TENM2: variants seen among roughly 807,000 people sequenced by gnomAD.
TENM2 encodes teneurin-2.
A neutral mutation model predicts 245.2 loss-of-function variants in TENM2; 52 were observed. The observed-to-expected ratio is 0.21, with a 90% CI of 0.17 to 0.27. The LOEUF is 0.27. Among genes scored for constraint, TENM2 ranks in the 10% least tolerant of loss-of-function variants. The pLI, the probability that TENM2 is intolerant of heterozygous loss-of-function variation, is 1.00. For missense variants in TENM2, 3,046 were observed against 3,666.8 expected (o/e 0.83, Z 4.37); for synonymous variants, 1,363 against 1,438.9 (o/e 0.95, Z 1.19).
In TENM2 at chr5:167,685,719, A is replaced by G. The variant is rs1259276936; in HGVS notation, c.503-190267A>G. 2.6e-5 allele frequency among the ~76,000 whole-genome samples: 4 copies of G among 152,196 alleles called. No homozygotes were observed. The East Asian group carries it at 7.7e-4, about 29-fold the overall frequency. On this transcript the variant is annotated intron_variant, in intron 2 of 28. Transcript: ENST00000518659. ...AATTCATGATAAATAGGTTATCTGT[A>G]ATGATATATGATAGTCTGTGGTAGG...
chr5:167,053,361 A>T, the TENM2 span, among the ~76,000 whole-genome samples: 12 of 152,338 alleles, frequency 7.9e-5, no homozygotes, highest in African/African-American at 2.4e-4. Context: ...ACTCGGAAGC[A>T]CTTGCGTGAT....
At chr5:167,949,962 G>A (rs140943872) in intron 3 of TENM2, among the ~76,000 whole-genome samples, 2 of 152,212 alleles carry the variant, frequency 1.3e-5, no homozygotes, top group Non-Finnish European at 2.9e-5. Flanking sequence ...TACCGAGAAC[G>A]CTGGATAATT....
intron 1 of TENM2, among the ~76,000 whole-genome samples, chr5:167,332,011 G>A (rs1016983044): frequency 1.3e-5 from 2 of 152,128 alleles, no homozygotes; most frequent in Admixed American, 6.5e-5. Flanking sequence ...ATCGACCAAC[G>A]TATTCCAATT....
Position 168,203,846 on chromosome 5 carries a change from T to C in TENM2, c.3574+14T>C, listed in dbSNP as rs1473527877. The C allele has an allele frequency of 5.0e-6, 8 of 1,590,096 alleles. No homozygotes were observed. In the Admixed American group the frequency reaches 1.3e-4, roughly 27 times the overall value. ...ATGTTAAAAGTGGTACGTGAACACA[T>C]CTTCTTTCCCAAATACAGCCTTGCC... is the stretch of plus-strand genomic sequence containing the variant. On this transcript the variant is annotated intron_variant, in intron 18 of 28. Transcript: ENST00000518659.
chr5:168,175,481 T>C (rs181782867), intron 13 of TENM2, among the ~76,000 whole-genome samples: 1 of 152,316 alleles, frequency 6.6e-6, no homozygotes, highest in Non-Finnish European at 1.5e-5. Context: ...CACTGTCATG[T>C]TCCCTTTAGC....
chr5:168,063,264 T>G (rs1244306330), intron 7 of TENM2, among the ~76,000 whole-genome samples: 1 of 152,212 alleles, frequency 6.6e-6, no homozygotes, highest in Non-Finnish European at 1.5e-5. Context: ...CTTGGCACTA[T>G]GAAAGTGAGA....
chr5:167,445,311 TTATATATATATATA>T (rs755614167), intron 2 of TENM2, among the ~76,000 whole-genome samples: 2 of 69,982 alleles, frequency 2.9e-5, no homozygotes, highest in Non-Finnish European at 4.6e-5. Context: ...AACCATATGA[TTATATATATATATA>T]TATATATATA....
At chr5:167,693,179 C>G (rs1757540904) in intron 2 of TENM2, among the ~76,000 whole-genome samples, 1 of 152,116 alleles carries the variant, frequency 6.6e-6, no homozygotes, top group Admixed American at 6.5e-5. Context: ...ATGCAAATAT[C>G]ATAACCTCTG....
At chr5:167,995,260 C>A (rs536863533) in intron 5 of TENM2, among the ~76,000 whole-genome samples, 1 of 152,014 alleles carries the variant, frequency 6.6e-6, no homozygotes, top group East Asian at 1.9e-4. Flanking sequence ...CATGGGAAAC[C>A]GTATAGTGAG....
chr5:167,367,396 T>G (rs1374152598), intron 1 of TENM2, among the ~76,000 whole-genome samples: 1 of 152,168 alleles, frequency 6.6e-6, no homozygotes, highest in African/African-American at 2.4e-5. Context: ...GGCTTAAACT[T>G]TTATGAATAA....
chr5:167,187,572 A>G, the TENM2 span, among the ~76,000 whole-genome samples: 1 of 152,094 alleles, frequency 6.6e-6, no homozygotes, highest in African/African-American at 2.4e-5. Flanking sequence ...GCCTAAAGGT[A>G]AGAGGTTAGA....
chr5:167,600,366 T>C (rs566855837), intron 2 of TENM2, among the ~76,000 whole-genome samples: 14 of 152,248 alleles, frequency 9.2e-5, no homozygotes, highest in African/African-American at 3.4e-4. Flanking sequence ...ATGTACTTGC[T>C]CTTTTCTATA....
chr5:167,025,778 C>A, the TENM2 span, among the ~76,000 whole-genome samples: 11 of 152,182 alleles, frequency 7.2e-5, no homozygotes, highest in African/African-American at 2.7e-4. Flanking sequence ...AATATTACCA[C>A]ATTACCATTA....
intron 17 of TENM2, among the ~76,000 whole-genome samples, chr5:168,201,644 T>C (rs1761952072): frequency 1.3e-5 from 2 of 152,174 alleles, no homozygotes; most frequent in Non-Finnish European, 2.9e-5. Flanking sequence ...TAGCCCATCA[T>C]TGTTCAGTAT....
At chr5:167,106,637 G>T in the TENM2 span, among the ~76,000 whole-genome samples, 2 of 152,202 alleles carry the variant, frequency 1.3e-5, no homozygotes, top group Admixed American at 6.5e-5. Context: ...AGCTTTGGTG[G>T]TGGTGTGAAA....
chr5:167,815,722 A>G (rs1251925200), intron 2 of TENM2, among the ~76,000 whole-genome samples: 1 of 152,122 alleles, frequency 6.6e-6, no homozygotes, highest in Non-Finnish European at 1.5e-5. Flanking sequence ...ATTGACTGTG[A>G]TCTTTTTTCT....
intron 25 of TENM2, among the ~76,000 whole-genome samples, chr5:168,238,969 T>C (rs1765849950): frequency 6.6e-6 from 1 of 152,212 alleles, no homozygotes; most frequent in Admixed American, 6.5e-5. Flanking sequence ...GGGAATCGTG[T>C]TGATCCCGGC....
intron 3 of TENM2, among the ~76,000 whole-genome samples, chr5:167,944,781 A>T (rs1779475866): frequency 6.6e-6 from 1 of 152,236 alleles, no homozygotes; most frequent in African/African-American, 2.4e-5. Flanking sequence ...CTTGGTGAAT[A>T]TACTAAAGTA....
chr5:167,654,234 TA>T (rs1754678615), intron 2 of TENM2, among the ~76,000 whole-genome samples: 1 of 152,140 alleles, frequency 6.6e-6, no homozygotes, highest in Non-Finnish European at 1.5e-5. Context: ...GAGTTATTGG[TA>T]AACTTGCCTC....
Sources: allele counts gnomAD v4.1 joint callset (sites outside exome capture counted in the v4.1 genomes callset), GRCh38; gene constraint gnomAD v4.1.1; transcripts MANE v1.5; gene names NCBI Gene and HGNC (gene_info 2026-07-23, HGNC 2026-07-21).